Variants in SRRM1 observed in about 807,000 individuals in gnomAD.
SRRM1 encodes the protein serine/arginine repetitive matrix protein 1.
A neutral mutation model predicts 110.2 loss-of-function variants in SRRM1; 19 were observed. The ratio of observed to expected loss-of-function variants is 0.17; its 90% CI spans 0.12 to 0.25. SRRM1 has a LOEUF of 0.25. SRRM1 is among the 10% of genes least tolerant of loss of function. The pLI, the probability that SRRM1 is intolerant of heterozygous loss-of-function variation, is 1.00. For synonymous variants in SRRM1, 443 were observed against 414.9 expected (o/e 1.07, Z -0.82); for missense variants, 918 against 1,145.8 (o/e 0.80, Z 2.87).
intron 1 of SRRM1, 192 bp downstream of exon 1, chr1:24,643,539 C>T (rs1362459533): frequency 8.6e-6 from 4 of 465,948 alleles, no homozygotes; most frequent in African/African-American, 2.1e-5. Flanking sequence ...GCAGTCTCCT[C>T]CTCCGGAATG....
chr1:24,662,653 AT>A lies in SRRM1; in HGVS notation c.1484-5del. 6.2e-7 allele frequency: 1 copy of A among 1,612,336 alleles called. No homozygotes were observed. The highest frequency in any genetic ancestry group is 8.5e-7 in the Non-Finnish European group (1 of 1,179,440). Reference sequence around the variant, plus strand: ...AATGTAATATTTTTTTAATTTTGTAATTATAGACTCTGGCTCCTCCTCCTCC... The same window carrying A: ...AATGTAATATTTTTTTAATTTTGTAATATAGACTCTGGCTCCTCCTCCTCC... On this transcript the variant is annotated splice_region_variant and splice_polypyrimidine_tract_variant and intron_variant, in intron 11 of 16. Coordinates refer to ENST00000323848, the MANE Select transcript of SRRM1 (RefSeq NM_005839.4).
intron 6 of SRRM1, among the ~76,000 whole-genome samples, chr1:24,651,967 G>A (rs796585621): frequency 2.7e-5 from 4 of 145,866 alleles, no homozygotes; most frequent in Admixed American, 1.4e-4. Context: ...TGGGTGGATC[G>A]CTTGAGCTCA....
chr1:24,650,327 C>T (rs1021249135), intron 5 of SRRM1, among the ~76,000 whole-genome samples: 8 of 152,200 alleles, frequency 5.3e-5, no homozygotes, highest in African/African-American at 1.9e-4. Context: ...ATTCCTAAAT[C>T]AAAACTTTAA....
chr1:24,651,767 A>G (rs1348363422), intron 6 of SRRM1, among the ~76,000 whole-genome samples, 155 bp downstream of exon 6: 1 of 151,960 alleles, frequency 6.6e-6, no homozygotes, highest in African/African-American at 2.4e-5. Flanking sequence ...TTAGGAGAGT[A>G]TATTAGAAGA....
chr1:24,658,344 G>A (rs562233324), intron 9 of SRRM1, among the ~76,000 whole-genome samples: 5 of 151,872 alleles, frequency 3.3e-5, no homozygotes, highest in South Asian at 4.2e-4. Context: ...ACGAGTAGCT[G>A]GGATTACAGG....
intron 4 of SRRM1, among the ~76,000 whole-genome samples, chr1:24,649,729 A>G (rs1316791933): frequency 6.6e-6 from 1 of 152,170 alleles, no homozygotes; most frequent in Non-Finnish European, 1.5e-5. Flanking sequence ...AGTAAGCTTG[A>G]AAACATCTCT....
intron 16 of SRRM1, 39 bp from the exon 17 acceptor site, chr1:24,672,143 G>A (rs778949062): frequency 6.7e-6 from 10 of 1,482,650 alleles, no homozygotes; most frequent in African/African-American, 1.4e-5. Context: ...TTCCCACCAG[G>A]GTCTCAAGAC....
rs1250350634 is a variant in SRRM1, at chr1:24,667,992, T to TTG, written c.1739+1067_1739+1068insTG. On this transcript the variant is annotated intron_variant, in intron 13 of 16. Coordinates refer to ENST00000323848, the MANE Select transcript of SRRM1 (RefSeq NM_005839.4). ...TTTTTTTTTTTTTTTTTTTTTTTTT[T>TTG]GAGACAGTCTCACTCTGTCACCCAG... 1.5e-4 allele frequency among the ~76,000 whole-genome samples: 21 copies of TTG among 143,996 alleles called. 1 individual carries two copies. The highest frequency in any genetic ancestry group is 4.7e-4 in the African/African-American group (18 of 38,174). The allele number at this position is 143,996 out of a possible 152,430, so 94.5% of individuals were successfully genotyped here.
intron 6 of SRRM1, among the ~76,000 whole-genome samples, chr1:24,652,004 A>G (rs1022447843): frequency 7.2e-6 from 1 of 138,456 alleles, no homozygotes; most frequent in Non-Finnish European, 1.5e-5. Flanking sequence ...CTGGGGCAAC[A>G]TGGTGAAACT....
chr1:24,646,359 C>G (rs1045791940), intron 2 of SRRM1, among the ~76,000 whole-genome samples: 1 of 151,940 alleles, frequency 6.6e-6, no homozygotes, highest in African/African-American at 2.4e-5. Flanking sequence ...AACCCTGTCT[C>G]TACTAAAAAT....
intron 9 of SRRM1, among the ~76,000 whole-genome samples, chr1:24,658,724 A>T (rs1203473789): frequency 2.6e-5 from 4 of 152,194 alleles, no homozygotes; most frequent in Non-Finnish European, 5.9e-5. Flanking sequence ...GGACTTAGAA[A>T]AAGAGCCTCA....
chr1:24,663,506 G>A (rs572175856), intron 12 of SRRM1, among the ~76,000 whole-genome samples: 1 of 152,224 alleles, frequency 6.6e-6, no homozygotes, highest in East Asian at 1.9e-4. Flanking sequence ...ACATCAAGCA[G>A]CACGCAGATT....
intron 3 of SRRM1, 193 bp from the exon 4 acceptor site, chr1:24,648,666 T>G (rs1658836347): frequency 2.0e-6 from 1 of 492,524 alleles, no homozygotes. Flanking sequence ...GAGAATTTGG[T>G]AATCTGTTAG....
chr1:24,652,695 G>C, intron 7 of SRRM1, 67 bp downstream of exon 7: 1 of 1,425,238 alleles, frequency 7.0e-7, no homozygotes. Flanking sequence ...GGTACAATTA[G>C]ATAAATAATT....
intron 1 of SRRM1, among the ~76,000 whole-genome samples, chr1:24,645,456 T>G (rs188166026): frequency 3.9e-5 from 6 of 152,370 alleles, no homozygotes; most frequent in African/African-American, 1.4e-4. Flanking sequence ...TTGCTGAAAT[T>G]GAGTTTATTT....
chr1:24,662,325 G>A (rs1667679659), intron 11 of SRRM1, among the ~76,000 whole-genome samples: 1 of 152,146 alleles, frequency 6.6e-6, no homozygotes, highest in African/African-American at 2.4e-5. Flanking sequence ...GTGCAGACCT[G>A]TAATCCCAGC....
intron 9 of SRRM1, 65 bp from the exon 10 acceptor site, chr1:24,660,654 A>C: frequency 1.3e-6 from 1 of 759,836 alleles, no homozygotes; most frequent in East Asian, 2.8e-5. Context: ...AAAAATTAAA[A>C]GAAAAGCATC....
At chr1:24,671,306 G>A (rs1672620129) in intron 15 of SRRM1, 80 bp from the exon 16 acceptor site, 1 of 1,386,408 alleles carries the variant, frequency 7.2e-7, no homozygotes, top group South Asian at 1.4e-5. Flanking sequence ...TTGGGGATTT[G>A]AGGAAATAAA....
At chr1:24,671,896 T>C (rs1381108348) in intron 16 of SRRM1, among the ~76,000 whole-genome samples, 1 of 151,762 alleles carries the variant, frequency 6.6e-6, no homozygotes, top group African/African-American at 2.4e-5. Flanking sequence ...ATTTGTGAGG[T>C]TGGTTTTTTT....
Sources: allele counts gnomAD v4.1 joint callset (sites outside exome capture counted in the v4.1 genomes callset), GRCh38; gene constraint gnomAD v4.1.1; transcripts MANE v1.5; gene names NCBI Gene and HGNC (gene_info 2026-07-23, HGNC 2026-07-21).